GPR137B: variants seen among roughly 807,000 people sequenced by gnomAD.
GPR137B encodes the protein G protein-coupled receptor 137B.
A neutral mutation model predicts 42.5 loss-of-function variants in GPR137B; 42 were observed. The observed-to-expected ratio is 0.99, with a 90% CI of 0.77 to 1.28. The LOEUF (loss-of-function observed/expected upper bound fraction) is 1.28. Among genes scored for constraint, GPR137B ranks in the 50% most tolerant of loss-of-function variants. GPR137B has a pLI of 0.00. For synonymous variants in GPR137B, 218 were observed against 209.7 expected (o/e 1.04, Z -0.34); for missense variants, 487 against 493.9 (o/e 0.99, Z 0.13).
chr1:236,165,795 G>C (rs537811389), intron 1 of GPR137B, among the ~76,000 whole-genome samples: 1 of 152,256 alleles, frequency 6.6e-6, no homozygotes, highest in South Asian at 2.1e-4. Flanking sequence ...GGGGGAAAAA[G>C]TTTTCCTAGC....
At chr1:236,181,019 A>G (rs1210749651) in intron 4 of GPR137B, among the ~76,000 whole-genome samples, 1 of 152,246 alleles carries the variant, frequency 6.6e-6, no homozygotes, top group Non-Finnish European at 1.5e-5. Flanking sequence ...TTTAGAAAAT[A>G]CATAGGACTA....
At chr1:236,159,303 C>T (rs1662118082) in intron 1 of GPR137B, among the ~76,000 whole-genome samples, 1 of 151,972 alleles carries the variant, frequency 6.6e-6, no homozygotes, top group South Asian at 2.1e-4. Context: ...GACAGCAAGA[C>T]CCCGCCTCTT....
rs552898361 is a variant in GPR137B at position 236,175,325 on chromosome 1, G to C, written c.465-3089G>C. Among the ~76,000 whole-genome samples, 20 of 152,318 alleles carry C rather than the reference G, an allele frequency of 1.3e-4. No individual in the cohort carries two copies. The South Asian group carries it at 3.9e-3, about 30-fold the overall frequency. On this transcript the variant is annotated intron_variant, in intron 2 of 6. Coordinates refer to ENST00000366592, the MANE Select transcript of GPR137B (RefSeq NM_003272.4). Reference sequence around the variant, plus strand: ...GGAGGAGAGGGGAGAGGAAGGTTTTGCTGTGTCAAGGGTGGCAGTGGAGGA... The same window carrying C: ...GGAGGAGAGGGGAGAGGAAGGTTTTCCTGTGTCAAGGGTGGCAGTGGAGGA...
At position 236,171,369 on chromosome 1, in the gene GPR137B, G is replaced by A. The variant is rs981837831; in HGVS notation, c.464+2614G>A. 6.6e-6 allele frequency among the ~76,000 whole-genome samples: 1 copy of A among 152,172 alleles called. No individual in the cohort carries two copies. Among genetic ancestry groups the A allele is most frequent in the African/African-American group, 2.4e-5 (1 of 41,442 alleles). ...CCTCTGCATCTATAGTCTTTGCCCT[G>A]CATCCCCCCAGCCAGAAATGTAGGT... On this transcript the variant is annotated intron_variant, in intron 2 of 6. Transcript: ENST00000366592. This position sits in a 1 kb window ranked among gnomAD's most constrained non-coding sequence, Gnocchi z 4.4.
rs6691458 is a variant in GPR137B at position 236,205,836 on chromosome 1, G to A, written c.1091+586G>A. On this transcript the variant is annotated intron_variant, in intron 6 of 6. Transcript: ENST00000366592. ...ATTACAGGCGTGAGCCACTGCACCCGGCCAGAAAAAAAACTTTTTAGAAAA... is the reference window on the plus strand; with the variant it reads ...ATTACAGGCGTGAGCCACTGCACCCAGCCAGAAAAAAAACTTTTTAGAAAA... Among the ~76,000 whole-genome samples the A allele has an allele frequency of 9.4e-3, 1,423 of 152,148 alleles. 17 individuals carry two copies. The highest frequency in any genetic ancestry group is 0.032 in the African/African-American group (1,342 of 41,532).
At chr1:236,174,287 T>TA (rs1399673026) in intron 2 of GPR137B, among the ~76,000 whole-genome samples, 3 of 152,120 alleles carry the variant, frequency 2.0e-5, no homozygotes, top group Admixed American at 6.6e-5. Context: ...ATTTGATAGA[T>TA]AAAAATCAAG....
chr1:236,152,515 T>C (rs1661897263), intron 1 of GPR137B, among the ~76,000 whole-genome samples: 1 of 152,086 alleles, frequency 6.6e-6, no homozygotes, highest in Non-Finnish European at 1.5e-5. Flanking sequence ...CCCAGCACTT[T>C]GGGAGGCCGA....
intron 5 of GPR137B, 103 bp downstream of exon 5, chr1:236,184,009 T>G: frequency 1.4e-6 from 1 of 732,662 alleles, no homozygotes; most frequent in Non-Finnish European, 2.2e-6. Flanking sequence ...AGCCTCTTCC[T>G]TTTGTGGTGG....
chr1:236,207,934 A>T (rs960442160), intron 6 of GPR137B, 116 bp from the exon 7 acceptor site: 6 of 695,128 alleles, frequency 8.6e-6, no homozygotes, highest in Non-Finnish European at 1.2e-5. Context: ...CATTTAAAAG[A>T]ACTTTAGAGT....
chr1:236,179,748 G>A (rs549329323), intron 3 of GPR137B, 131 bp from the exon 4 acceptor site: 68 of 622,846 alleles, frequency 1.1e-4, no homozygotes, highest in African/African-American at 1.8e-4. Context: ...GACTCTGATG[G>A]AAGACCCAAC....
chr1:236,173,685 T>C (rs1031965864), intron 2 of GPR137B, among the ~76,000 whole-genome samples: 2 of 152,194 alleles, frequency 1.3e-5, no homozygotes, highest in African/African-American at 4.8e-5. Context: ...TCTGTCATCA[T>C]GCCAGGATGA....
intron 5 of GPR137B, among the ~76,000 whole-genome samples, chr1:236,189,630 G>A (rs1322847321): frequency 6.6e-6 from 1 of 152,178 alleles, no homozygotes; most frequent in African/African-American, 2.4e-5. Flanking sequence ...GCAGTTTTGA[G>A]TGAGTTTCTT....
intron 2 of GPR137B, among the ~76,000 whole-genome samples, chr1:236,177,566 T>G (rs1449979508): frequency 2.6e-5 from 1 of 38,662 alleles, no homozygotes; most frequent in Non-Finnish European, 3.9e-5. Context: ...TTGTTTTTGT[T>G]TTTTTTTGAG....
chr1:236,159,565 C>T (rs12072536), intron 1 of GPR137B, among the ~76,000 whole-genome samples: 8 of 150,596 alleles, frequency 5.3e-5, no homozygotes, highest in African/African-American at 2.0e-4. Context: ...CCCAGCTACT[C>T]GGGAGGCTGA....
chr1:236,203,892 G>T (rs566509581), intron 5 of GPR137B, among the ~76,000 whole-genome samples: 1 of 152,086 alleles, frequency 6.6e-6, no homozygotes, highest in Non-Finnish European at 1.5e-5. Context: ...TCATTAATTT[G>T]ACTTTTTCTA....
intron 1 of GPR137B, among the ~76,000 whole-genome samples, chr1:236,146,259 A>G (rs1277514801): frequency 1.3e-5 from 2 of 152,228 alleles, no homozygotes; most frequent in African/African-American, 2.4e-5. Flanking sequence ...GTATACATAC[A>G]GCACAGTTAA....
intron 5 of GPR137B, among the ~76,000 whole-genome samples, chr1:236,198,179 A>T (rs915985100): frequency 2.0e-5 from 3 of 151,890 alleles, no homozygotes; most frequent in South Asian, 2.1e-4. Flanking sequence ...GAATTTTAGA[A>T]TTTTTTCTAT....
chr1:236,161,204 C>A lies in GPR137B; in HGVS notation c.415-7502C>A, dbSNP rs551221683. Among the ~76,000 whole-genome samples the A allele has an allele frequency of 9.2e-5, 14 of 152,242 alleles. No homozygotes were observed. In the East Asian group the frequency reaches 2.5e-3, roughly 27 times the overall value. On this transcript the variant is annotated intron_variant, in intron 1 of 6. Transcript: ENST00000366592. The stretch of plus-strand genomic sequence containing the variant: ...TTTGCTCTGCTCTGTATCCCAGGGA[C>A]CTCTCTCACAGCACAGGTCTGCATT...
chr1:236,153,769 A>G (rs1661937617), intron 1 of GPR137B, among the ~76,000 whole-genome samples: 2 of 152,258 alleles, frequency 1.3e-5, no homozygotes, highest in South Asian at 4.1e-4. Flanking sequence ...TGAAGACTTA[A>G]TTCATTCCTT....
Sources: allele counts gnomAD v4.1 joint callset (sites outside exome capture counted in the v4.1 genomes callset), GRCh38; gene constraint gnomAD v4.1.1; non-coding constraint Gnocchi (gnomAD v3.1); transcripts MANE v1.5; gene names NCBI Gene and HGNC (gene_info 2026-07-23, HGNC 2026-07-21).